Variants in ZNF804B observed in about 807,000 individuals in gnomAD.
ZNF804B encodes the protein zinc finger 804B.
A neutral mutation model predicts 101.4 loss-of-function variants in ZNF804B; 80 were observed. The ratio of observed to expected loss-of-function variants is 0.79; its 90% CI spans 0.66 to 0.95. The LOEUF (loss-of-function observed/expected upper bound fraction) is 0.95, where lower values mean the gene tolerates loss of function less well. Ranked by LOEUF, ZNF804B falls within the 40% of genes least tolerant of loss-of-function variation. The pLI, the probability that ZNF804B is intolerant of heterozygous loss-of-function variation, is 0.00. For synonymous variants in ZNF804B, 622 were observed against 558.8 expected (o/e 1.11, Z -1.59); for missense variants, 1,673 against 1,561.9 (o/e 1.07, Z -1.20).
chr7:88,807,105 A>T (rs1442021791), intron 1 of ZNF804B, among the ~76,000 whole-genome samples: 2 of 152,120 alleles, frequency 1.3e-5, no homozygotes, highest in Non-Finnish European at 2.9e-5. Context: ...TATACTTTTA[A>T]CCTATATTTC....
At position 89,217,100 on chromosome 7, in the gene ZNF804B, C is replaced by T. The variant is rs1045033439; in HGVS notation, c.109-1055C>T. Among the ~76,000 whole-genome samples, 3 of 152,142 alleles carry T rather than the reference C, an allele frequency of 2.0e-5. No homozygotes were observed. In the South Asian group the frequency reaches 6.2e-4, roughly 31 times the overall value. Reference sequence around the variant, plus strand: ...TGTGTAACAAAAATGAATAAAATAGCTTCTTCCCTCAAAAAATTGGTGGAA... The same window carrying T: ...TGTGTAACAAAAATGAATAAAATAGTTTCTTCCCTCAAAAAATTGGTGGAA... On this transcript the variant is annotated intron_variant, in intron 1 of 3. Coordinates refer to ENST00000333190, the MANE Select transcript of ZNF804B (RefSeq NM_181646.5).
chr7:89,231,560 G>C (rs750350415), intron 2 of ZNF804B, among the ~76,000 whole-genome samples: 3 of 151,928 alleles, frequency 2.0e-5, no homozygotes, highest in Non-Finnish European at 4.4e-5. Flanking sequence ...TAACCATATT[G>C]AGTCTCCCAA....
At chr7:89,255,489 G>C (rs1448657472) in intron 2 of ZNF804B, among the ~76,000 whole-genome samples, 2 of 152,182 alleles carry the variant, frequency 1.3e-5, no homozygotes, top group Non-Finnish European at 2.9e-5. Context: ...TTACAGCCCA[G>C]TGGGCGTTGC....
chr7:89,062,510 A>G (rs546621365), intron 1 of ZNF804B, among the ~76,000 whole-genome samples: 2 of 152,204 alleles, frequency 1.3e-5, no homozygotes, highest in South Asian at 2.1e-4. Flanking sequence ...TTTTATTTAT[A>G]TATTGATATT....
intron 2 of ZNF804B, among the ~76,000 whole-genome samples, chr7:89,286,680 A>T (rs1790203279): frequency 6.6e-6 from 1 of 152,246 alleles, no homozygotes; most frequent in Non-Finnish European, 1.5e-5. Context: ...GGAAGAAGAC[A>T]TAGAAGAAGC....
At chr7:89,141,682 A>T (rs970040058) in intron 1 of ZNF804B, among the ~76,000 whole-genome samples, 1 of 151,890 alleles carries the variant, frequency 6.6e-6, no homozygotes, top group Admixed American at 6.6e-5. Context: ...CCTACCAGCA[A>T]TGTCCAAGAG....
chr7:88,877,929 G>A (rs1221263108), intron 1 of ZNF804B, among the ~76,000 whole-genome samples: 3 of 152,004 alleles, frequency 2.0e-5, no homozygotes, highest in Non-Finnish European at 4.4e-5. Context: ...AAAAATAGAG[G>A]TTTTGAGAAT....
At chr7:88,877,032 T>TATATA (rs1554342907) in intron 1 of ZNF804B, among the ~76,000 whole-genome samples, 23 of 44,926 alleles carry the variant, frequency 5.1e-4, no homozygotes, top group African/African-American at 2.5e-3. Context: ...ATATAATATA[T>TATATA]ATATATATAT....
At chr7:89,071,783 C>CACACAT (rs1189667466) in intron 1 of ZNF804B, among the ~76,000 whole-genome samples, 1 of 148,350 alleles carries the variant, frequency 6.7e-6, no homozygotes, top group Non-Finnish European at 1.5e-5. Flanking sequence ...CACAAATGTA[C>CACACAT]ACACACACAC....
At chr7:89,014,195 C>G (rs1416506979) in intron 1 of ZNF804B, among the ~76,000 whole-genome samples, 1 of 152,174 alleles carries the variant, frequency 6.6e-6, no homozygotes, top group Non-Finnish European at 1.5e-5. Flanking sequence ...TTCCTACTCT[C>G]TGCACCCTCA....
In ZNF804B at chr7:89,030,460, C is replaced by T. The variant is rs141252870; in HGVS notation, c.109-187695C>T. Among the ~76,000 whole-genome samples the T allele has an allele frequency of 5.8e-3, 876 of 151,922 alleles. 9 individuals are homozygous for T. The highest frequency in any genetic ancestry group is 0.019 in the African/African-American group (787 of 41,430). Reference sequence around the variant, plus strand: ...TTATTAATTAATATGTATGCTTGATCATGACAAAAAAAACAAGATGAAAAC... The same window carrying T: ...TTATTAATTAATATGTATGCTTGATTATGACAAAAAAAACAAGATGAAAAC... On this transcript the variant is annotated intron_variant, in intron 1 of 3. Coordinates refer to ENST00000333190, the MANE Select transcript of ZNF804B (RefSeq NM_181646.5).
chr7:89,112,521 C>G (rs1449724330), intron 1 of ZNF804B, among the ~76,000 whole-genome samples: 7 of 152,054 alleles, frequency 4.6e-5, no homozygotes, highest in Non-Finnish European at 1.0e-4. Flanking sequence ...GATTACTGTA[C>G]CTTTATAGTA....
intron 1 of ZNF804B, among the ~76,000 whole-genome samples, chr7:88,900,842 G>A (rs1450139487): frequency 2.7e-5 from 4 of 150,004 alleles, no homozygotes; most frequent in South Asian, 2.1e-4. Context: ...ATTGACCCAC[G>A]GAAAAAAAAA....
At chr7:89,084,060 T>TGATG (rs977743528) in intron 1 of ZNF804B, among the ~76,000 whole-genome samples, 1 of 151,934 alleles carries the variant, frequency 6.6e-6, no homozygotes, top group African/African-American at 2.4e-5. Context: ...TGGCAAGTCT[T>TGATG]GATGAGCTGT....
At chr7:89,012,871 C>T (rs575846808) in intron 1 of ZNF804B, among the ~76,000 whole-genome samples, 28 of 152,226 alleles carry the variant, frequency 1.8e-4, no homozygotes, top group Non-Finnish European at 2.4e-4. Context: ...TGAATAAATA[C>T]GCAAGACTGG....
rs148481755 is a variant in ZNF804B at position 89,180,291 on chromosome 7, A to G, written c.109-37864A>G. On this transcript the variant is annotated intron_variant, in intron 1 of 3. Coordinates refer to ENST00000333190, the MANE Select transcript of ZNF804B (RefSeq NM_181646.5). Reference sequence around the variant, plus strand: ...GGTCTAGAAATGCTGTCTGATAGCTAGGGCCTGAAGTCAGGAACATTAGGA... The same window carrying G: ...GGTCTAGAAATGCTGTCTGATAGCTGGGGCCTGAAGTCAGGAACATTAGGA... Among the ~76,000 whole-genome samples, 284 of 152,290 alleles carry G rather than the reference A, an allele frequency of 1.9e-3. 2 individuals carry two copies. The highest frequency in any genetic ancestry group is 6.4e-3 in the African/African-American group (264 of 41,568).
intron 1 of ZNF804B, among the ~76,000 whole-genome samples, chr7:88,877,058 T>TGAAAAAAAAAATATATATATATAATA (rs1791963923): frequency 1.5e-5 from 1 of 66,206 alleles, no homozygotes; most frequent in Non-Finnish European, 2.7e-5. Flanking sequence ...TATTTTTTTT[T>TGAAAAAAAAAATATATATATATAATA]TTTTTTTTTT....
chr7:89,014,473 C>T (rs149985578), intron 1 of ZNF804B, among the ~76,000 whole-genome samples: 8 of 152,168 alleles, frequency 5.3e-5, no homozygotes, highest in East Asian at 1.9e-4. Flanking sequence ...CCCGCTGCGA[C>T]GCCTGGCTAA....
intron 2 of ZNF804B, among the ~76,000 whole-genome samples, chr7:89,306,523 A>G (rs1790564497): frequency 6.6e-6 from 1 of 151,938 alleles, no homozygotes; most frequent in Non-Finnish European, 1.5e-5. Flanking sequence ...AGAAGTATTG[A>G]AAGCTGTGAA....
Sources: gnomAD v4.1 joint callset for allele counts (sites outside exome capture counted in the v4.1 genomes callset) on GRCh38, gnomAD v4.1.1 for gene constraint, MANE v1.5 for transcripts, NCBI Gene and HGNC (gene_info 2026-07-23, HGNC 2026-07-21) for gene names.